Variants in KCNN3 observed in about 807,000 individuals in gnomAD.
KCNN3 encodes small conductance calcium-activated potassium channel protein 3.
In KCNN3, 16 loss-of-function variants were observed where a neutral mutation model predicts 62.9. The ratio of observed to expected loss-of-function variants is 0.25; its 90% CI spans 0.17 to 0.39. The LOEUF is 0.39. Among genes scored for constraint, KCNN3 ranks in the 10% least tolerant of loss-of-function variants. The pLI is 1.00. For synonymous variants in KCNN3, 370 were observed against 389.2 expected, an observed-to-expected ratio of 0.95 and a Z score of 0.58; for missense variants, 599 against 949.4, an observed-to-expected ratio of 0.63 and a Z score of 4.85.
chr1:154,844,993 C>T (rs1307923421), intron 1 of KCNN3, among the ~76,000 whole-genome samples: 1 of 131,822 alleles, frequency 7.6e-6, no homozygotes, highest in Non-Finnish European at 1.6e-5. Flanking sequence ...GCAACACAGC[C>T]AGACCCCGTC....
rs73009451 is a variant in KCNN3 at position 154,825,759 on chromosome 1, C to T, written c.934-3575G>A. On this transcript the variant is annotated intron_variant, in intron 1 of 7. Coordinates refer to ENST00000271915, the MANE Select transcript of KCNN3 (RefSeq NM_002249.6). ...GAGATCAGGCAGTGATGGAACACTA[C>T]GCAGCCACTAAAAACACTTCTGCAC... is the stretch of plus-strand genomic sequence containing the variant. Among the ~76,000 whole-genome samples, 1,312 of 152,008 alleles carry T rather than the reference C, an allele frequency of 8.6e-3. 19 individuals are homozygous for T. The highest frequency in any genetic ancestry group is 0.03 in the African/African-American group (1,250 of 41,434).
chr1:154,755,113 A>C (rs558799531), intron 3 of KCNN3, among the ~76,000 whole-genome samples: 1 of 152,100 alleles, frequency 6.6e-6, no homozygotes, highest in South Asian at 2.1e-4. Context: ...CCTCCAATTT[A>C]CTCACAAAGA....
intron 3 of KCNN3, among the ~76,000 whole-genome samples, chr1:154,771,448 A>G (rs1030986782): frequency 6.6e-6 from 1 of 152,230 alleles, no homozygotes. Context: ...AAGGCCTGAG[A>G]TTCTGGGAAC....
chr1:154,848,841 A>G (rs1268546167), intron 1 of KCNN3, among the ~76,000 whole-genome samples: 1 of 152,180 alleles, frequency 6.6e-6, no homozygotes, highest in Non-Finnish European at 1.5e-5. Flanking sequence ...TCTCTACCGC[A>G]CTTAGCACAG....
At chr1:154,777,690 A>G (rs1648850315) in intron 2 of KCNN3, among the ~76,000 whole-genome samples, 1 of 152,180 alleles carries the variant, frequency 6.6e-6, no homozygotes. Flanking sequence ...ATCCTCCCCT[A>G]GGGCTTAGTC....
chr1:154,832,632 C>T (rs559897790), intron 1 of KCNN3, among the ~76,000 whole-genome samples: 1 of 152,280 alleles, frequency 6.6e-6, no homozygotes, highest in South Asian at 2.1e-4. Flanking sequence ...ATATTTGAAA[C>T]AAATAATTGT....
At chr1:154,842,063 C>T (rs995897821) in intron 1 of KCNN3, among the ~76,000 whole-genome samples, 2 of 152,178 alleles carry the variant, frequency 1.3e-5, no homozygotes, top group African/African-American at 4.8e-5. Context: ...GGGGAGACCC[C>T]CGGGAGTGCT....
At chr1:154,761,731 G>C (rs2101828032) in intron 3 of KCNN3, among the ~76,000 whole-genome samples, 1 of 152,264 alleles carries the variant, frequency 6.6e-6, no homozygotes, top group South Asian at 2.1e-4. Flanking sequence ...TTGAGGCCAG[G>C]AGTTCAAGAC....
At position 154,853,969 on chromosome 1, in the gene KCNN3, C is replaced by T. The variant is rs140417499; in HGVS notation, c.933+15063G>A. Among the ~76,000 whole-genome samples, 743 of 151,472 alleles carry T rather than the reference C, an allele frequency of 4.9e-3. 7 individuals are homozygous for T. The highest frequency in any genetic ancestry group is 0.017 in the African/African-American group (702 of 41,240). On this transcript the variant is annotated intron_variant, in intron 1 of 7. Coordinates refer to ENST00000271915, the MANE Select transcript of KCNN3 (RefSeq NM_002249.6). ...ACAAAAAAAAAGCTGGGCGCGGTGGCTTATGCCTATAATCCCAGCATCTCG... is the reference window on the plus strand; with the variant it reads ...ACAAAAAAAAAGCTGGGCGCGGTGGTTTATGCCTATAATCCCAGCATCTCG...
At position 154,807,504 on chromosome 1, in the gene KCNN3, C is replaced by G. The variant is rs149621452; in HGVS notation, c.1029+14585G>C. ...CAGGCCCTGGGGATAGAAGCCTGCTCTGGGATGGTGGCGGTTTCCAGCCAC... is the reference window on the plus strand; with the variant it reads ...CAGGCCCTGGGGATAGAAGCCTGCTGTGGGATGGTGGCGGTTTCCAGCCAC... On this transcript the variant is annotated intron_variant, in intron 2 of 7. Transcript: ENST00000271915. Among the ~76,000 whole-genome samples the G allele has an allele frequency of 1.1e-4, 16 of 152,300 alleles. No homozygotes were observed. In the East Asian group the frequency reaches 3.1e-3, roughly 29 times the overall value.
intron 3 of KCNN3, among the ~76,000 whole-genome samples, chr1:154,749,960 T>C (rs1647289248): frequency 6.6e-6 from 1 of 152,116 alleles, no homozygotes; most frequent in Non-Finnish European, 1.5e-5. Context: ...GAAAGGCACA[T>C]TTCCCTGCTT....
chr1:154,813,391 G>A (rs1055774099), intron 2 of KCNN3, among the ~76,000 whole-genome samples: 101 of 152,220 alleles, frequency 6.6e-4, no homozygotes, highest in African/African-American at 2.4e-3. Flanking sequence ...ATAGCTGGGT[G>A]GATTCAGCCT....
chr1:154,863,217 G>A (rs1652830755), intron 1 of KCNN3, among the ~76,000 whole-genome samples: 1 of 152,022 alleles, frequency 6.6e-6, no homozygotes, highest in South Asian at 2.1e-4. Context: ...CCTGGGGGTG[G>A]AATGACAGGG....
intron 4 of KCNN3, among the ~76,000 whole-genome samples, chr1:154,729,958 G>A (rs1402558860): frequency 2.0e-5 from 3 of 152,198 alleles, no homozygotes; most frequent in Non-Finnish European, 4.4e-5. Context: ...ACTGATGAAG[G>A]GTCTACAGAG....
chr1:154,828,191 G>A (rs992327930), intron 1 of KCNN3, among the ~76,000 whole-genome samples: 1 of 151,362 alleles, frequency 6.6e-6, no homozygotes, highest in African/African-American at 2.4e-5. Context: ...TGCCTGGCCT[G>A]GACAAGTTGC....
chr1:154,712,576 T>C (rs1023918717), intron 7 of KCNN3, among the ~76,000 whole-genome samples: 5 of 152,248 alleles, frequency 3.3e-5, no homozygotes, highest in East Asian at 1.9e-4. Context: ...TTAATGTGCC[T>C]GAGGGAGTTT....
chr1:154,859,897 T>A (rs992466051), intron 1 of KCNN3: 6 of 1,431,004 alleles, frequency 4.2e-6, no homozygotes, highest in Non-Finnish European at 5.6e-6. Flanking sequence ...CCCAACAAGC[T>A]GACTCAAAAA....
Position 154,851,463 on chromosome 1 carries a change from C to T in KCNN3, c.933+17569G>A, listed in dbSNP as rs545920342. On this transcript the variant is annotated intron_variant, in intron 1 of 7. Transcript: ENST00000271915. ...GGAAATTGATACACCTCAAACTTAA[C>T]GAGTCCAACCACAAACTCCCTGTCT... 2.5e-3 allele frequency among the ~76,000 whole-genome samples: 386 copies of T among 152,268 alleles called. 2 individuals carry two copies. The highest frequency in any genetic ancestry group is 0.014 in the Middle Eastern group (4 of 290).
At chr1:154,720,644 A>G (rs1207725592) in intron 5 of KCNN3, among the ~76,000 whole-genome samples, 3 of 152,244 alleles carry the variant, frequency 2.0e-5, no homozygotes. Flanking sequence ...AGTTTTCTTC[A>G]GTGTCATTCA....
Sources: allele counts gnomAD v4.1 joint callset (sites outside exome capture counted in the v4.1 genomes callset), GRCh38; gene constraint gnomAD v4.1.1; transcripts MANE v1.5; gene names NCBI Gene and HGNC (gene_info 2026-07-23, HGNC 2026-07-21).